FUT8: variants seen among roughly 807,000 people sequenced by gnomAD.
The protein encoded by FUT8 is alpha-(1,6)-fucosyltransferase.
A neutral mutation model predicts 71.3 loss-of-function variants in FUT8; 29 were observed. The ratio of observed to expected loss-of-function variants is 0.41; its 90% CI spans 0.30 to 0.55. The LOEUF (loss-of-function observed/expected upper bound fraction) is 0.55. Among genes scored for constraint, FUT8 ranks in the 20% least tolerant of loss-of-function variants. The pLI is 0.34. For synonymous variants in FUT8, 254 were observed against 239.3 expected, an observed-to-expected ratio of 1.06 and a Z score of -0.57; for missense variants, 544 against 702.1, an observed-to-expected ratio of 0.77 and a Z score of 2.55.
chr14:65,377,431 A>G, the FUT8 span, among the ~76,000 whole-genome samples: 1 of 152,226 alleles, frequency 6.6e-6, no homozygotes, highest in Non-Finnish European at 1.5e-5. Flanking sequence ...CCCAAATGTG[A>G]TAAAATGGGC....
chr14:65,578,863 T>C (rs1161540047), intron 3 of FUT8, among the ~76,000 whole-genome samples: 2 of 152,150 alleles, frequency 1.3e-5, no homozygotes, highest in Admixed American at 6.5e-5. Flanking sequence ...CTTGTTCAAA[T>C]AGAATGAATT....
intron 3 of FUT8, among the ~76,000 whole-genome samples, chr14:65,611,219 G>A (rs1289536088): frequency 0.019 from 57 of 2,968 alleles, 2 homozygotes; most frequent in African/African-American, 0.024. Context: ...GCGCGCGCGC[G>A]CGCGCACACA....
At chr14:65,717,107 CG>C (rs1895123956) in intron 7 of FUT8, among the ~76,000 whole-genome samples, 2 of 118,726 alleles carry the variant, frequency 1.7e-5, no homozygotes, top group Admixed American at 9.4e-5. Flanking sequence ...ACTTCCCAGA[CG>C]ACGGGCAGCC....
chr14:65,545,629 G>T (rs771611641), intron 2 of FUT8, among the ~76,000 whole-genome samples: 23 of 151,452 alleles, frequency 1.5e-4, no homozygotes, highest in Non-Finnish European at 3.1e-4. Context: ...TAATGATTTT[G>T]GTTTTTACTC....
chr14:65,378,851 T>TG, the FUT8 span, among the ~76,000 whole-genome samples: 5 of 137,676 alleles, frequency 3.6e-5, no homozygotes, highest in East Asian at 1.1e-3. Flanking sequence ...TTTTTTTTTT[T>TG]TTTTTTTTTT....
upstream of FUT8, among the ~76,000 whole-genome samples, chr14:65,406,893 A>G (rs752976487): frequency 6.6e-6 from 1 of 152,188 alleles, no homozygotes; most frequent in Non-Finnish European, 1.5e-5. Context: ...GGATCTTGCA[A>G]TGAGGTGATG....
At chr14:65,470,295 C>CGG (rs1359395937) in intron 2 of FUT8, among the ~76,000 whole-genome samples, 1 of 152,206 alleles carries the variant, frequency 6.6e-6, no homozygotes, top group East Asian at 1.9e-4. Flanking sequence ...CAAGAGCACA[C>CGG]GGAGGCCTGG....
At chr14:65,564,779 A>G (rs1886099776) in intron 3 of FUT8, among the ~76,000 whole-genome samples, 1 of 152,040 alleles carries the variant, frequency 6.6e-6, no homozygotes, top group Non-Finnish European at 1.5e-5. Context: ...CATAGTATGT[A>G]GCCTTTTGAG....
At chr14:65,531,853 T>C (rs1347400780) in intron 2 of FUT8, among the ~76,000 whole-genome samples, 1 of 152,192 alleles carries the variant, frequency 6.6e-6, no homozygotes. Flanking sequence ...CTCCCACTTA[T>C]AAGTGAGAAC....
At chr14:65,672,388 G>C (rs1467809024) in intron 7 of FUT8, among the ~76,000 whole-genome samples, 2 of 152,164 alleles carry the variant, frequency 1.3e-5, no homozygotes, top group Non-Finnish European at 2.9e-5. Context: ...GATTGCTTGT[G>C]ATAATTCAAA....
chr14:65,666,868 A>G (rs1892242240), intron 6 of FUT8, among the ~76,000 whole-genome samples: 1 of 152,228 alleles, frequency 6.6e-6, no homozygotes, highest in African/African-American at 2.4e-5. Context: ...GATTGGTTCA[A>G]CATACACAAA....
At chr14:65,618,789 T>C (rs1186220080) in intron 5 of FUT8, among the ~76,000 whole-genome samples, 3 of 152,206 alleles carry the variant, frequency 2.0e-5, no homozygotes, top group Non-Finnish European at 4.4e-5. Context: ...TGTATAGGTT[T>C]CTAGGTCTGT....
the FUT8 span, among the ~76,000 whole-genome samples, chr14:65,366,164 A>C: frequency 4.6e-5 from 7 of 152,290 alleles, no homozygotes; most frequent in East Asian, 1.3e-3. Flanking sequence ...AGACAGACAA[A>C]GTTTCTACCC....
chr14:65,465,202 A>G (rs2066025044), intron 2 of FUT8, among the ~76,000 whole-genome samples: 2 of 152,188 alleles, frequency 1.3e-5, no homozygotes, highest in South Asian at 4.2e-4. Context: ...CTTTGGATTT[A>G]ATTTGTTCAT....
chr14:65,550,965 A>G lies in FUT8; in HGVS notation c.-227-10372A>G, dbSNP rs1265179104. Among the ~76,000 whole-genome samples, 1 of 152,250 alleles carries G rather than the reference A, an allele frequency of 6.6e-6. No homozygotes were observed. Among genetic ancestry groups the G allele is most frequent in the African/African-American group, 2.4e-5 (1 of 41,464 alleles). On this transcript the variant is annotated intron_variant, in intron 2 of 10. Coordinates refer to ENST00000673929, the MANE Select transcript of FUT8 (RefSeq NM_001371533.1). This position sits in a 1 kb window ranked among gnomAD's most constrained non-coding sequence, Gnocchi z 4.5. ...GCATTTTGTTTACATATTAAAATGC[A>G]TCTTAGCATAAATTTTTGCATGTGG... is the stretch of plus-strand genomic sequence containing the variant.
intron 2 of FUT8, among the ~76,000 whole-genome samples, chr14:65,530,538 A>G (rs368899955): frequency 2.6e-5 from 4 of 152,262 alleles, no homozygotes; most frequent in African/African-American, 9.6e-5. Context: ...TTCAAATGCT[A>G]TTATATGTAA....
intron 2 of FUT8, among the ~76,000 whole-genome samples, chr14:65,490,247 T>G (rs1440923254): frequency 6.6e-6 from 1 of 152,114 alleles, no homozygotes; most frequent in East Asian, 1.9e-4. Flanking sequence ...TCAGGATTTC[T>G]GAAACTGGAG....
the FUT8 span, among the ~76,000 whole-genome samples, chr14:65,404,919 A>G: frequency 6.6e-6 from 1 of 152,266 alleles, no homozygotes; most frequent in East Asian, 1.9e-4. Context: ...TTAGTGGCAT[A>G]TAACAGTAAA....
intron 3 of FUT8, among the ~76,000 whole-genome samples, chr14:65,601,104 T>A (rs925683823): frequency 6.6e-6 from 1 of 152,292 alleles, no homozygotes; most frequent in East Asian, 1.9e-4. Context: ...AGATTGTCGC[T>A]TGTCCCTTTT....
Sources: gnomAD v4.1 joint callset for allele counts (sites outside exome capture counted in the v4.1 genomes callset) on GRCh38, gnomAD v4.1.1 for gene constraint, Gnocchi (gnomAD v3.1) non-coding constraint, MANE v1.5 for transcripts, NCBI Gene and HGNC (gene_info 2026-07-23, HGNC 2026-07-21) for gene names.